Variants in PELI2 observed in about 807,000 individuals in gnomAD.
PELI2 encodes E3 ubiquitin-protein ligase pellino homolog 2.
A neutral mutation model predicts 42.3 loss-of-function variants in PELI2; 23 were observed. The observed-to-expected ratio is 0.54, with a 90% CI of 0.39 to 0.77. The LOEUF (loss-of-function observed/expected upper bound fraction) is 0.77. Ranked by LOEUF, PELI2 falls within the 30% of genes least tolerant of loss-of-function variation. The probability of loss-of-function intolerance (pLI) is 0.00; values close to 1 mark genes in which losing one functional copy is unlikely to be tolerated. For synonymous variants in PELI2, 245 were observed against 212.2 expected, an observed-to-expected ratio of 1.15 and a Z score of -1.34; for missense variants, 463 against 553.2, an observed-to-expected ratio of 0.84 and a Z score of 1.64.
chr14:56,281,263 A>G (rs955355271), intron 3 of PELI2, among the ~76,000 whole-genome samples: 1 of 152,126 alleles, frequency 6.6e-6, no homozygotes, highest in African/African-American at 2.4e-5. Context: ...CTAAAAATAA[A>G]CCTATACTTC....
chr14:56,137,200 CTTT>C (rs33928658), intron 1 of PELI2, among the ~76,000 whole-genome samples: 1 of 149,564 alleles, frequency 6.7e-6, no homozygotes, highest in Non-Finnish European at 1.5e-5. Flanking sequence ...CCATAGTAAC[CTTT>C]TTTTTTTGTC....
intron 1 of PELI2, among the ~76,000 whole-genome samples, chr14:56,155,014 A>G (rs956357575): frequency 6.6e-6 from 1 of 152,148 alleles, no homozygotes; most frequent in East Asian, 1.9e-4. Flanking sequence ...AGCCATTGTT[A>G]TATTTTTTCT....
chr14:56,272,022 G>A (rs915995713), intron 2 of PELI2, among the ~76,000 whole-genome samples: 8 of 152,128 alleles, frequency 5.3e-5, no homozygotes, highest in Non-Finnish European at 7.3e-5. Context: ...TCTAGAAAAC[G>A]TTGCTTCAGC....
In PELI2 at chr14:56,279,166, T is replaced by C. The variant is rs577742075; in HGVS notation, c.208-510T>C. On this transcript the variant is annotated intron_variant, in intron 2 of 5. Transcript: ENST00000267460. ...TGAGATGTAGAACAGAATACAAATA[T>C]GGTTATCATTGGCTAGGACGGTGTA... is the stretch of plus-strand genomic sequence containing the variant. Among the ~76,000 whole-genome samples the C allele has an allele frequency of 5.6e-4, 85 of 152,312 alleles. No individual in the cohort carries two copies. In the South Asian group the frequency reaches 9.5e-3, roughly 17 times the overall value.
At chr14:56,221,341 G>GGCCA in intron 2 of PELI2, among the ~76,000 whole-genome samples, 1 of 152,290 alleles carries the variant, frequency 6.6e-6, no homozygotes, top group Admixed American at 6.5e-5. Flanking sequence ...AGCTTGCCCT[G>GGCCA]GACCTGCAGT....
chr14:56,150,408 A>C (rs180852273), intron 1 of PELI2, among the ~76,000 whole-genome samples: 1 of 152,160 alleles, frequency 6.6e-6, no homozygotes, highest in African/African-American at 2.4e-5. Flanking sequence ...TCTATTAGCC[A>C]TATGTTTGGT....
intron 1 of PELI2, among the ~76,000 whole-genome samples, chr14:56,172,714 A>G (rs1460750543): frequency 6.6e-6 from 1 of 152,220 alleles, no homozygotes; most frequent in Non-Finnish European, 1.5e-5. Flanking sequence ...TGAGGAGACA[A>G]TGGAAATCAG....
intron 2 of PELI2, among the ~76,000 whole-genome samples, chr14:56,234,148 T>C (rs1261691422): frequency 6.6e-6 from 1 of 152,212 alleles, no homozygotes; most frequent in East Asian, 1.9e-4. Context: ...TTGACACTGT[T>C]GGTGGGACTG....
At chr14:56,218,887 G>A (rs759468992) in intron 2 of PELI2, among the ~76,000 whole-genome samples, 2 of 152,212 alleles carry the variant, frequency 1.3e-5, no homozygotes, top group Non-Finnish European at 2.9e-5. Flanking sequence ...CATTAAATGC[G>A]ATGGGAGTTG....
At chr14:56,192,622 C>T (rs137911585) in intron 2 of PELI2, among the ~76,000 whole-genome samples, 128 of 152,316 alleles carry the variant, frequency 8.4e-4, no homozygotes, top group African/African-American at 2.8e-3. Flanking sequence ...GTTAATAGTA[C>T]AGGCTCTGAA....
chr14:56,159,411 G>T (rs1884677096), intron 1 of PELI2, among the ~76,000 whole-genome samples: 1 of 152,220 alleles, frequency 6.6e-6, no homozygotes, highest in African/African-American at 2.4e-5. Flanking sequence ...GCCAAAGCAA[G>T]TCACATGGTC....
intron 1 of PELI2, among the ~76,000 whole-genome samples, chr14:56,170,579 G>A (rs138741170): frequency 2.6e-5 from 4 of 152,130 alleles, no homozygotes; most frequent in African/African-American, 7.2e-5. Flanking sequence ...GTGTAAGTTC[G>A]TGTGTGATCA....
chr14:56,264,802 A>G (rs924942774), intron 2 of PELI2, among the ~76,000 whole-genome samples: 1 of 152,228 alleles, frequency 6.6e-6, no homozygotes, highest in African/African-American at 2.4e-5. Flanking sequence ...ATGTTGCAAC[A>G]AGAGGCTCCT....
chr14:56,222,259 G>T (rs1033571909), intron 2 of PELI2, among the ~76,000 whole-genome samples: 1 of 152,076 alleles, frequency 6.6e-6, no homozygotes, highest in African/African-American at 2.4e-5. Flanking sequence ...AAATCATTTC[G>T]TAGCTGTGAT....
rs113028352 is a variant in PELI2 at position 56,296,130 on chromosome 14, C to T, written c.697-470C>T. On this transcript the variant is annotated intron_variant, in intron 5 of 5. Transcript: ENST00000267460. ...TCAAGGTGGAGGAAGCTAAGGGTCA[C>T]CAGGAGTGCTTTGGACCCTCCAGTA... Among the ~76,000 whole-genome samples the T allele has an allele frequency of 1.2e-4, 18 of 152,296 alleles. 1 individual carries two copies. The highest frequency in any genetic ancestry group is 3.6e-4 in the African/African-American group (15 of 41,552).
At chr14:56,248,009 T>C (rs140589931) in intron 2 of PELI2, among the ~76,000 whole-genome samples, 1 of 152,316 alleles carries the variant, frequency 6.6e-6, no homozygotes, top group Non-Finnish European at 1.5e-5. Context: ...AGGAAAAGTG[T>C]CAGTGCTATT....
intron 2 of PELI2, among the ~76,000 whole-genome samples, chr14:56,243,203 C>T (rs1054683115): frequency 2.0e-5 from 3 of 152,130 alleles, no homozygotes; most frequent in Non-Finnish European, 4.4e-5. Flanking sequence ...TAACACAGAA[C>T]CAACCTGCCA....
At chr14:56,238,167 G>T (rs4243603) in intron 2 of PELI2, among the ~76,000 whole-genome samples, 58,137 of 152,018 alleles carry the variant, frequency 0.38, 12,389 homozygotes, top group South Asian at 0.53. Flanking sequence ...AGTTCTGCCT[G>T]CAGAAGTTGG....
At chr14:56,280,236 G>A (rs953016333) in intron 3 of PELI2, among the ~76,000 whole-genome samples, 1 of 152,054 alleles carries the variant, frequency 6.6e-6, no homozygotes, top group Non-Finnish European at 1.5e-5. Context: ...GAGGGAAAGA[G>A]AGAGAAAGAA....
Sources: allele counts gnomAD v4.1 joint callset (sites outside exome capture counted in the v4.1 genomes callset), GRCh38; gene constraint gnomAD v4.1.1; transcripts MANE v1.5; gene names NCBI Gene and HGNC (gene_info 2026-07-23, HGNC 2026-07-21).